ANKS1B: variants seen among roughly 807,000 people sequenced by gnomAD.
ANKS1B encodes the protein ankyrin repeat and sterile alpha motif domain containing 1B.
In ANKS1B, 36 loss-of-function variants were observed where a neutral mutation model predicts 148.3. The ratio of observed to expected loss-of-function variants is 0.24; its 90% CI spans 0.19 to 0.32. The LOEUF is 0.32. ANKS1B is among the 10% of genes least tolerant of loss of function. ANKS1B has a pLI of 1.00. For synonymous variants in ANKS1B, 542 were observed against 560.8 expected (o/e 0.97, Z 0.47); for missense variants, 1,157 against 1,542.6 (o/e 0.75, Z 4.19).
chr12:99,447,820 A>G (rs1234035335), intron 10 of ANKS1B, among the ~76,000 whole-genome samples: 1 of 152,142 alleles, frequency 6.6e-6, no homozygotes, highest in Non-Finnish European at 1.5e-5. Flanking sequence ...AAAAGAGGAC[A>G]TACAAATGGC....
At chr12:99,598,315 T>A (rs2097773878) in intron 9 of ANKS1B, among the ~76,000 whole-genome samples, 1 of 152,090 alleles carries the variant, frequency 6.6e-6, no homozygotes, top group Middle Eastern at 3.2e-3. Flanking sequence ...GAGACAGTCA[T>A]AAATACAATG....
chr12:99,460,191 T>C (rs564154996), intron 10 of ANKS1B, among the ~76,000 whole-genome samples: 113 of 152,038 alleles, frequency 7.4e-4, no homozygotes, highest in Non-Finnish European at 1.2e-3. Flanking sequence ...TAACAAATGG[T>C]GCTGGGATAA....
Position 99,780,509 on chromosome 12 carries a change from C to T in ANKS1B, c.746-537G>A, listed in dbSNP as rs1272267079. On this transcript the variant is annotated intron_variant, in intron 5 of 26. Coordinates refer to ENST00000683438, the MANE Select transcript of ANKS1B (RefSeq NM_001352186.2). ...GTGTTAGCAAGGATGGTCTCGATAT[C>T]CTGACCTCGTGATCTGCCCACCTTG... Among the ~76,000 whole-genome samples, 6 of 151,888 alleles carry T rather than the reference C, an allele frequency of 4.0e-5. No individual in the cohort carries two copies. In the East Asian group the frequency reaches 1.2e-3, roughly 29 times the overall value.
intron 16 of ANKS1B, among the ~76,000 whole-genome samples, chr12:99,070,924 C>T (rs2046071164): frequency 6.6e-6 from 1 of 152,184 alleles, no homozygotes; most frequent in Admixed American, 6.5e-5. Context: ...CTTGGCCTCC[C>T]AAAGTGCTAG....
intron 10 of ANKS1B, among the ~76,000 whole-genome samples, chr12:99,492,127 T>TA (rs767100990): frequency 2.6e-5 from 4 of 151,884 alleles, no homozygotes; most frequent in African/African-American, 7.3e-5. Flanking sequence ...GCTGATTTGT[T>TA]AAAAAAATTA....
intron 3 of ANKS1B, among the ~76,000 whole-genome samples, chr12:99,809,972 A>G (rs971417841): frequency 6.6e-6 from 1 of 152,060 alleles, no homozygotes; most frequent in Non-Finnish European, 1.5e-5. Context: ...TATATATAGT[A>G]GCAACAGTAA....
intron 1 of ANKS1B, among the ~76,000 whole-genome samples, chr12:99,869,662 C>G (rs966000851): frequency 2.1e-5 from 3 of 145,000 alleles, no homozygotes; most frequent in Admixed American, 2.1e-4. Flanking sequence ...GCCTGGGCAA[C>G]AAGAGTGAAA....
intron 9 of ANKS1B, among the ~76,000 whole-genome samples, chr12:99,525,733 A>G (rs1432341346): frequency 6.6e-6 from 1 of 152,194 alleles, no homozygotes; most frequent in Non-Finnish European, 1.5e-5. Context: ...ACAATTAGCA[A>G]ATATATTTGT....
intron 14 of ANKS1B, among the ~76,000 whole-genome samples, chr12:99,171,817 A>G (rs1021000019): frequency 3.9e-5 from 6 of 152,162 alleles, no homozygotes; most frequent in African/African-American, 1.4e-4. Context: ...CCCATTGAGA[A>G]GAAGGTGATC....
intron 24 of ANKS1B, among the ~76,000 whole-genome samples, chr12:98,780,260 C>T (rs1219454757): frequency 6.6e-6 from 1 of 152,196 alleles, no homozygotes; most frequent in Admixed American, 6.5e-5. Context: ...ATGGTGATCA[C>T]CTCTTTTACC....
At chr12:99,623,560 A>G (rs910217546) in intron 9 of ANKS1B, among the ~76,000 whole-genome samples, 1 of 152,040 alleles carries the variant, frequency 6.6e-6, no homozygotes, top group Non-Finnish European at 1.5e-5. Flanking sequence ...GTTTCAGAAT[A>G]TGAAATTAAC....
At chr12:99,335,291 T>G (rs2088571129) in intron 12 of ANKS1B, among the ~76,000 whole-genome samples, 1 of 152,080 alleles carries the variant, frequency 6.6e-6, no homozygotes, top group African/African-American at 2.4e-5. Context: ...TAATGTGTAA[T>G]AATCACATCA....
At chr12:99,737,815 C>T (rs2059754412) in intron 8 of ANKS1B, among the ~76,000 whole-genome samples, 1 of 151,836 alleles carries the variant, frequency 6.6e-6, no homozygotes, top group East Asian at 1.9e-4. Flanking sequence ...TCTTTTAGTT[C>T]TAGCAATTCA....
chr12:99,247,203 A>C (rs535723859), intron 12 of ANKS1B, among the ~76,000 whole-genome samples: 1 of 152,144 alleles, frequency 6.6e-6, no homozygotes, highest in Non-Finnish European at 1.5e-5. Flanking sequence ...GGGTTTTCTT[A>C]AAGTAGAACA....
chr12:99,661,293 G>A (rs1030503685), intron 8 of ANKS1B, among the ~76,000 whole-genome samples: 1 of 152,066 alleles, frequency 6.6e-6, no homozygotes, highest in Non-Finnish European at 1.5e-5. Context: ...TCAGACCTTA[G>A]GTATAGATGA....
rs185891848 is a variant in ANKS1B at position 99,270,991 on chromosome 12, T to A, written c.1757-24127A>T. 2.9e-3 allele frequency among the ~76,000 whole-genome samples: 443 copies of A among 152,334 alleles called. 1 individual carries two copies. Among genetic ancestry groups the A allele is most frequent in the Non-Finnish European group, 5.0e-3 (343 of 68,028 alleles). On this transcript the variant is annotated intron_variant, in intron 12 of 26. Coordinates refer to ENST00000683438, the MANE Select transcript of ANKS1B (RefSeq NM_001352186.2). ...TTACAGACATGGAAAAATTAATGAATGTGTCTTTAAAAGAGTTTTGAATGT... is the reference window on the plus strand; with the variant it reads ...TTACAGACATGGAAAAATTAATGAAAGTGTCTTTAAAAGAGTTTTGAATGT...
chr12:98,965,112 A>T (rs2076901688), intron 17 of ANKS1B, among the ~76,000 whole-genome samples: 1 of 147,780 alleles, frequency 6.8e-6, no homozygotes, highest in South Asian at 2.3e-4. Context: ...AAATAAAAAA[A>T]AAACCCCTGG....
chr12:98,949,174 G>A (rs1403397360), intron 17 of ANKS1B, among the ~76,000 whole-genome samples: 3 of 151,748 alleles, frequency 2.0e-5, no homozygotes, highest in Admixed American at 6.6e-5. Context: ...GGACGGTCTC[G>A]ATCTCCTGAC....
chr12:99,965,890 C>T (rs756137342), intron 1 of ANKS1B, among the ~76,000 whole-genome samples: 3 of 152,092 alleles, frequency 2.0e-5, no homozygotes, highest in East Asian at 1.9e-4. Flanking sequence ...CCAGCCTGGG[C>T]GACAAAGTGA....
Sources: allele counts gnomAD v4.1 joint callset (sites outside exome capture counted in the v4.1 genomes callset), GRCh38; gene constraint gnomAD v4.1.1; transcripts MANE v1.5; gene names NCBI Gene and HGNC (gene_info 2026-07-23, HGNC 2026-07-21).